Variants in LRRTM4 observed in about 807,000 individuals in gnomAD.
LRRTM4 encodes the protein leucine-rich repeat transmembrane neuronal protein 4.
Under a neutral mutation model 47.6 loss-of-function variants are expected in LRRTM4, and 25 were observed. The observed-to-expected ratio is 0.53, with a 90% CI of 0.38 to 0.73. The LOEUF (loss-of-function observed/expected upper bound fraction) is 0.73. LRRTM4 is among the 30% of genes least tolerant of loss of function. LRRTM4 has a pLI of 0.00. For missense variants in LRRTM4, 638 were observed against 713.4 expected (o/e 0.89, Z 1.20); for synonymous variants, 311 against 269.5 (o/e 1.15, Z -1.51).
At chr2:76,931,034 T>G (rs1291124259) in intron 3 of LRRTM4, among the ~76,000 whole-genome samples, 2 of 152,100 alleles carry the variant, frequency 1.3e-5, no homozygotes, top group Non-Finnish European at 2.9e-5. Flanking sequence ...TTTGAGGTAT[T>G]TTACATTTGT....
At chr2:76,769,535 CA>C (rs1673596184) in intron 3 of LRRTM4, among the ~76,000 whole-genome samples, 1 of 149,548 alleles carries the variant, frequency 6.7e-6, no homozygotes. Flanking sequence ...GAAAAAAAAA[CA>C]AAAATAATAA....
intron 3 of LRRTM4, among the ~76,000 whole-genome samples, chr2:77,253,053 G>A (rs10184549): frequency 0.013 from 1,989 of 152,118 alleles, 46 homozygotes; most frequent in African/African-American, 0.045. Context: ...GAAGACCAAT[G>A]TTTTCCCAAG....
chr2:77,266,055 T>C (rs913400663), intron 3 of LRRTM4, among the ~76,000 whole-genome samples: 9 of 152,180 alleles, frequency 5.9e-5, no homozygotes, highest in Non-Finnish European at 1.2e-4. Context: ...TGAAGATTTA[T>C]TGGAACACAG....
intron 3 of LRRTM4, among the ~76,000 whole-genome samples, chr2:76,755,118 C>G (rs1487066607): frequency 1.3e-5 from 2 of 152,140 alleles, no homozygotes; most frequent in Admixed American, 6.5e-5. Flanking sequence ...TCCCTGGTAC[C>G]ACTTTCATTA....
chr2:77,180,176 C>T (rs1225046773), intron 3 of LRRTM4, among the ~76,000 whole-genome samples: 1 of 152,072 alleles, frequency 6.6e-6, no homozygotes, highest in Non-Finnish European at 1.5e-5. Flanking sequence ...TGATGGACTA[C>T]TATAGTCTCT....
intron 3 of LRRTM4, among the ~76,000 whole-genome samples, chr2:77,029,802 G>C (rs1205010532): frequency 6.6e-6 from 1 of 152,106 alleles, no homozygotes; most frequent in Non-Finnish European, 1.5e-5. Flanking sequence ...TTGTAAAAAA[G>C]GAATCATCAT....
At chr2:77,247,838 C>G (rs137998903) in intron 3 of LRRTM4, among the ~76,000 whole-genome samples, 60 of 151,652 alleles carry the variant, frequency 4.0e-4, no homozygotes, top group African/African-American at 1.1e-3. Flanking sequence ...TGCAATTGCA[C>G]TTTTATATTT....
chr2:77,283,623 TG>T (rs1676565713), intron 3 of LRRTM4, among the ~76,000 whole-genome samples: 1 of 152,100 alleles, frequency 6.6e-6, no homozygotes, highest in Non-Finnish European at 1.5e-5. Flanking sequence ...ATATACACCA[TG>T]GAATACCATG....
chr2:77,496,148 T>G (rs1678355422), intron 3 of LRRTM4, among the ~76,000 whole-genome samples: 1 of 151,956 alleles, frequency 6.6e-6, no homozygotes, highest in Non-Finnish European at 1.5e-5. Flanking sequence ...TATTTTTGAT[T>G]GCTATTAATA....
intron 3 of LRRTM4, among the ~76,000 whole-genome samples, chr2:77,033,687 A>T (rs756719939): frequency 1.3e-4 from 20 of 151,936 alleles, no homozygotes; most frequent in Non-Finnish European, 2.2e-4. Context: ...AAGTCAACAT[A>T]GAGCTAAGAT....
At chr2:77,411,761 C>T (rs958681594) in intron 3 of LRRTM4, among the ~76,000 whole-genome samples, 12 of 151,472 alleles carry the variant, frequency 7.9e-5, no homozygotes, top group Admixed American at 1.3e-4. Flanking sequence ...TAAGCCACCG[C>T]GCCCGGCCCC....
chr2:77,112,142 A>C (rs998901958), intron 3 of LRRTM4, among the ~76,000 whole-genome samples: 4 of 152,200 alleles, frequency 2.6e-5, no homozygotes, highest in African/African-American at 9.6e-5. Context: ...TTTCTAAGGC[A>C]ACCAGGAGCC....
chr2:76,956,180 A>T (rs77165664), intron 3 of LRRTM4, among the ~76,000 whole-genome samples: 13 of 151,742 alleles, frequency 8.6e-5, no homozygotes, highest in African/African-American at 1.4e-4. Context: ...GCCTCCAGGA[A>T]AGATCACTTG....
At chr2:77,311,643 A>C (rs1217003707) in intron 3 of LRRTM4, among the ~76,000 whole-genome samples, 8 of 152,206 alleles carry the variant, frequency 5.3e-5, no homozygotes, top group Admixed American at 5.2e-4. Context: ...TTGGTTAAAT[A>C]AATAGCAGCA....
At chr2:77,064,094 T>C (rs1375783124) in intron 3 of LRRTM4, among the ~76,000 whole-genome samples, 1 of 152,282 alleles carries the variant, frequency 6.6e-6, no homozygotes, top group East Asian at 1.9e-4. Context: ...AATGTAACTA[T>C]GCAACATGGA....
At chr2:77,294,760 C>A (rs931578980) in intron 3 of LRRTM4, among the ~76,000 whole-genome samples, 1 of 152,116 alleles carries the variant, frequency 6.6e-6, no homozygotes, top group African/African-American at 2.4e-5. Flanking sequence ...ATTTATAAAT[C>A]TTTTAGAAAA....
At chr2:76,907,132 T>C (rs1210909120) in intron 3 of LRRTM4, among the ~76,000 whole-genome samples, 4 of 151,604 alleles carry the variant, frequency 2.6e-5, no homozygotes, top group African/African-American at 9.7e-5. Context: ...ACAGAAATTA[T>C]AACAAACTAT....
chr2:77,095,529 A>C (rs1380290815), intron 3 of LRRTM4, among the ~76,000 whole-genome samples: 1 of 148,214 alleles, frequency 6.7e-6, no homozygotes, highest in Non-Finnish European at 1.5e-5. Flanking sequence ...TTTTTTAGAC[A>C]GAGTCTCGCT....
At chr2:76,995,369 G>A (rs969326664) in intron 3 of LRRTM4, among the ~76,000 whole-genome samples, 1 of 151,972 alleles carries the variant, frequency 6.6e-6, no homozygotes, top group Non-Finnish European at 1.5e-5. Context: ...GTAACTATAT[G>A]TGGAATTCCT....
Sources: gnomAD v4.1 joint callset for allele counts (sites outside exome capture counted in the v4.1 genomes callset) on GRCh38, gnomAD v4.1.1 for gene constraint, MANE v1.5 for transcripts, NCBI Gene and HGNC (gene_info 2026-07-23, HGNC 2026-07-21) for gene names.